Variants in NRG1 observed in about 807,000 individuals in gnomAD.
The protein encoded by NRG1 is neuregulin 1, also known as pro-neuregulin-1, membrane-bound isoform.
A neutral mutation model predicts 63.8 loss-of-function variants in NRG1; 18 were observed. The ratio of observed to expected loss-of-function variants is 0.28; its 90% CI spans 0.19 to 0.42. NRG1 has a LOEUF of 0.42. Among genes scored for constraint, NRG1 ranks in the 10% least tolerant of loss-of-function variants. The pLI is 1.00. For synonymous variants in NRG1, 302 were observed against 301.3 expected (o/e 1.00, Z -0.02); for missense variants, 762 against 814.7 (o/e 0.94, Z 0.79).
chr8:32,095,074 G>A (rs532604710), intron 1 of NRG1, among the ~76,000 whole-genome samples: 170 of 152,144 alleles, frequency 1.1e-3, no homozygotes, highest in Non-Finnish European at 1.9e-3. Context: ...ATCATGCCCA[G>A]CTAATTTTTG....
At chr8:31,833,506 A>T (rs560497369) in intron 1 of NRG1, among the ~76,000 whole-genome samples, 2 of 152,310 alleles carry the variant, frequency 1.3e-5, no homozygotes, top group Admixed American at 1.3e-4. Context: ...AGAACTGGGA[A>T]TTCCTCCAGG....
chr8:31,718,368 G>A (rs7006674), intron 1 of NRG1, among the ~76,000 whole-genome samples: 33,011 of 152,010 alleles, frequency 0.22, 4,013 homozygotes, highest in Middle Eastern at 0.28. Flanking sequence ...GTTCGTATCA[G>A]GCATGCTTCT....
At position 32,408,248 on chromosome 8, in the gene NRG1, T is replaced by G. The variant is rs539040493; in HGVS notation, c.38-187580T>G. The stretch of plus-strand genomic sequence containing the variant: ...TCATTCTCAGGGTGATGAGCATGTG[T>G]CATTAAACTGTTTTCCTGATCATGA... On this transcript the variant is annotated intron_variant, in intron 1 of 10. Coordinates refer to the NRG1 transcript ENST00000519301. Among the ~76,000 whole-genome samples, 174 of 152,288 alleles carry G rather than the reference T, an allele frequency of 1.1e-3. 1 individual carries two copies. Among genetic ancestry groups the G allele is most frequent in the Non-Finnish European group, 2.0e-3 (135 of 68,028 alleles).
chr8:32,151,241 A>G (rs2131826986), intron 1 of NRG1, among the ~76,000 whole-genome samples: 1 of 152,172 alleles, frequency 6.6e-6, no homozygotes, highest in East Asian at 1.9e-4. Flanking sequence ...TGACATGTCT[A>G]GAGGCTACGT....
At chr8:31,993,912 T>G (rs1273274453) in intron 1 of NRG1, among the ~76,000 whole-genome samples, 1 of 152,002 alleles carries the variant, frequency 6.6e-6, no homozygotes, top group African/African-American at 2.4e-5. Flanking sequence ...TTGGCTCCAT[T>G]AAAACAAGAG....
At chr8:32,592,848 T>C (rs1350145415) in intron 1 of NRG1, among the ~76,000 whole-genome samples, 1 of 152,152 alleles carries the variant, frequency 6.6e-6, no homozygotes, top group Non-Finnish European at 1.5e-5. Flanking sequence ...GGCCAAAAAT[T>C]TAAGTATAAC....
chr8:32,677,239 A>G (rs1039052144), intron 5 of NRG1, among the ~76,000 whole-genome samples: 1 of 152,218 alleles, frequency 6.6e-6, no homozygotes, highest in Non-Finnish European at 1.5e-5. Flanking sequence ...ATACTGCCTA[A>G]CTTCTTTTCT....
chr8:32,367,576 T>C (rs1217629779), intron 1 of NRG1, among the ~76,000 whole-genome samples: 1 of 152,190 alleles, frequency 6.6e-6, no homozygotes, highest in Non-Finnish European at 1.5e-5. Flanking sequence ...ACTCAAACTA[T>C]AGTCCTTTGT....
chr8:31,657,441 C>A (rs1483889456), intron 1 of NRG1, among the ~76,000 whole-genome samples: 1 of 152,136 alleles, frequency 6.6e-6, no homozygotes, highest in African/African-American at 2.4e-5. Context: ...CTTGGACAGA[C>A]CAATGGTTTG....
At chr8:32,544,077 C>T (rs1008381880), upstream of NRG1, among the ~76,000 whole-genome samples, 4 of 152,080 alleles carry the variant, frequency 2.6e-5, no homozygotes, top group Non-Finnish European at 5.9e-5. Flanking sequence ...GTTAATGTCT[C>T]CTATTTATAG....
rs1341411627 is a variant in NRG1, at chr8:31,757,770, T to C, written c.37+118339T>C. On this transcript the variant is annotated intron_variant, in intron 1 of 10. Coordinates refer to the NRG1 transcript ENST00000519301. ...CACATTTTTATTGAGATATAATTTA[T>C]ATATAATAAAATATGAGAGTTAAAG... Among the ~76,000 whole-genome samples the C allele has an allele frequency of 1.2e-4, 19 of 152,268 alleles. 1 individual carries two copies. Among genetic ancestry groups the C allele is most frequent in the Admixed American group, 1.2e-3 (19 of 15,264 alleles).
chr8:32,495,316 A>G (rs1045179447), intron 1 of NRG1, among the ~76,000 whole-genome samples: 2 of 152,194 alleles, frequency 1.3e-5, no homozygotes, highest in African/African-American at 4.8e-5. Flanking sequence ...GTTCCCCTGC[A>G]CATGCTGTCT....
chr8:32,396,610 G>C (rs953513409), intron 1 of NRG1, among the ~76,000 whole-genome samples: 2 of 151,134 alleles, frequency 1.3e-5, no homozygotes, highest in Non-Finnish European at 2.9e-5. Flanking sequence ...CACCACACCC[G>C]GTTCATTTTG....
intron 1 of NRG1, among the ~76,000 whole-genome samples, chr8:31,924,681 T>C (rs1180333305): frequency 6.6e-6 from 1 of 151,866 alleles, no homozygotes; most frequent in Admixed American, 6.6e-5. Context: ...TTTTGACTTT[T>C]TGAATTAGAG....
chr8:31,908,841 T>C (rs187965584), intron 1 of NRG1, among the ~76,000 whole-genome samples: 1 of 152,312 alleles, frequency 6.6e-6, no homozygotes, highest in Admixed American at 6.5e-5. Flanking sequence ...AGATAAATTT[T>C]CCAGAATAGA....
intron 1 of NRG1, among the ~76,000 whole-genome samples, chr8:31,741,452 G>A (rs1266344963): frequency 3.3e-5 from 5 of 149,914 alleles, no homozygotes; most frequent in East Asian, 4.4e-4. Context: ...AAGACAGGCC[G>A]CAAAAAAAGA....
At chr8:32,313,905 A>G (rs527856122) in intron 1 of NRG1, among the ~76,000 whole-genome samples, 21 of 152,184 alleles carry the variant, frequency 1.4e-4, no homozygotes, top group African/African-American at 4.8e-4. Flanking sequence ...TACAAAACTG[A>G]TATCAATTTT....
At chr8:32,169,057 T>A (rs1411345148) in intron 1 of NRG1, among the ~76,000 whole-genome samples, 1 of 152,158 alleles carries the variant, frequency 6.6e-6, no homozygotes, top group African/African-American at 2.4e-5. Context: ...AATGCTGATG[T>A]CATTATCATG....
intron 1 of NRG1, among the ~76,000 whole-genome samples, chr8:31,855,222 T>C (rs746514763): frequency 1.3e-5 from 2 of 152,184 alleles, no homozygotes; most frequent in Non-Finnish European, 2.9e-5. Context: ...TGTTAAAGTC[T>C]CCCATTAACA....
Sources: allele counts gnomAD v4.1 joint callset (sites outside exome capture counted in the v4.1 genomes callset), GRCh38; gene constraint gnomAD v4.1.1; transcripts MANE v1.5; gene names NCBI Gene and HGNC (gene_info 2026-07-23, HGNC 2026-07-21).